Variants in DGCR2 observed in about 807,000 individuals in gnomAD.
DGCR2 encodes the protein integral membrane protein DGCR2/IDD.
DGCR2 carries 24 observed loss-of-function variants against 51.6 expected under a neutral mutation model. The ratio of observed to expected loss-of-function variants is 0.47; its 90% CI spans 0.34 to 0.65. DGCR2 has a LOEUF of 0.65. Ranked by LOEUF, DGCR2 falls within the 30% of genes least tolerant of loss-of-function variation. DGCR2 has a pLI of 0.01. For synonymous variants in DGCR2, 340 were observed against 315.4 expected (o/e 1.08, Z -0.82); for missense variants, 765 against 772.1 (o/e 0.99, Z 0.11).
intron 1 of DGCR2, 93 bp from the exon 2 acceptor site, chr22:19,089,583 T>TG: frequency 7.6e-7 from 1 of 1,312,202 alleles, no homozygotes; most frequent in Non-Finnish European, 9.9e-7. Context: ...CCCATTTGTT[T>TG]GTTTGTTTGT....
rs948003576 is a variant in DGCR2, at chr22:19,041,605, T to C, written c.1159+202A>G. ...CTGACCCTCAGAGGCCTCCGAGTTC[T>C]GCCCACCCTGTGGCTCAATGGGAAT... On this transcript the variant is annotated intron_variant, in intron 8 of 9. Transcript: ENST00000263196. 3.2e-5 allele frequency: 21 copies of C among 655,950 alleles called. No homozygotes were observed. The African/African-American group carries it at 3.6e-4, about 11-fold the overall frequency. The allele number at this position is 655,950 out of a possible 1,614,324, so 40.6% of individuals were successfully genotyped here.
At chr22:19,059,357 C>T (rs1391633595) in intron 5 of DGCR2, among the ~76,000 whole-genome samples, 1 of 152,054 alleles carries the variant, frequency 6.6e-6, no homozygotes, top group Non-Finnish European at 1.5e-5. Flanking sequence ...AGATCCTGGA[C>T]ATATTCCAAA....
chr22:19,038,900 G>C lies in DGCR2; in HGVS notation c.1618C>G (p.Arg540Gly). ...PAAEALPGGG[R>G]HSRSSLNTVV ...GTATTGAGGGAGCTGCGGCTGTGGC[G>C]GCCACCCCCTGGCAGTGCCTCTGCA... The change falls in exon 10 of 10, where the codon CGC (arginine) becomes GGC (glycine). Residue 540 changes from arginine (R) to glycine (G), a missense_variant. Transcript: ENST00000263196. The C allele has an allele frequency of 6.2e-7, 1 of 1,612,836 alleles. No individual in the cohort carries two copies. Among genetic ancestry groups the C allele is most frequent in the Non-Finnish European group, 8.5e-7 (1 of 1,179,898 alleles).
intron 8 of DGCR2, 76 bp from the exon 9 acceptor site, chr22:19,041,370 C>A: frequency 6.9e-7 from 1 of 1,456,224 alleles, no homozygotes; most frequent in Non-Finnish European, 9.5e-7. Context: ...GAGCCCCCCA[C>A]CCCCAGGCTG....
At chr22:19,048,371 G>A in intron 7 of DGCR2, 69 bp downstream of exon 7, 1 of 1,561,704 alleles carries the variant, frequency 6.4e-7, no homozygotes, top group Non-Finnish European at 8.8e-7. Context: ...CACTGAGGAA[G>A]CAAAGGGACG....
At chr22:19,083,711 C>CCCCCTCTCCCTA in intron 2 of DGCR2, among the ~76,000 whole-genome samples, 1 of 130,384 alleles carries the variant, frequency 7.7e-6, no homozygotes, top group Non-Finnish European at 1.6e-5. Context: ...CCCTCCCCCT[C>CCCCCTCTCCCTA]TCCCTCTCCC....
Position 19,057,062 on chromosome 22 carries a change from G to A in DGCR2, c.726C>T (p.Pro242=). Residue 242 remains proline, a synonymous_variant, in exon 6 of 10, where the codon CCC becomes CCT. Transcript: ENST00000263196. This position sits in a 1 kb window ranked among gnomAD's most constrained non-coding sequence, Gnocchi z 5.1. ...TGTGGAGGTCGTGGTGCCGCAGGGTGGGGAAATGGAAGCACTGAAGCTGGG... is the reference window on the plus strand; with the variant it reads ...TGTGGAGGTCGTGGTGCCGCAGGGTAGGGAAATGGAAGCACTGAAGCTGGG... The part of the protein sequence containing the change: ...FCAQLQCFHF[P]TLRHHDLHSW... 1 of 1,601,104 alleles carries A rather than the reference G, an allele frequency of 6.2e-7. No homozygotes were observed. Among genetic ancestry groups the A allele is most frequent in the African/African-American group, 1.3e-5 (1 of 74,894 alleles).
chr22:19,107,340 C>A (rs2083270017), intron 1 of DGCR2, among the ~76,000 whole-genome samples: 1 of 152,200 alleles, frequency 6.6e-6, no homozygotes, highest in Non-Finnish European at 1.5e-5. Flanking sequence ...CACTTTCTCC[C>A]ACAGCCCAAG....
chr22:19,052,414 T>TCACACACACACACACA (rs34670843), intron 6 of DGCR2, among the ~76,000 whole-genome samples: 1 of 148,550 alleles, frequency 6.7e-6, no homozygotes, highest in African/African-American at 2.5e-5. Flanking sequence ...AGACTCTGTC[T>TCACACACACACACACA]CACACACACA....
intron 6 of DGCR2, among the ~76,000 whole-genome samples, chr22:19,054,941 C>T (rs888063821): frequency 1.3e-5 from 2 of 152,064 alleles, no homozygotes; most frequent in Admixed American, 6.6e-5. Flanking sequence ...CATGGTGAAA[C>T]GCCATCTCTA....
At chr22:19,046,823 C>A in intron 7 of DGCR2, 2 of 369,146 alleles carry the variant, frequency 5.4e-6, no homozygotes, top group Non-Finnish European at 1.1e-5. Context: ...CCCTGCTCTG[C>A]TAAGAAGTCC....
chr22:19,112,293 C>T (rs1173216876), intron 1 of DGCR2, among the ~76,000 whole-genome samples: 1 of 143,962 alleles, frequency 6.9e-6, no homozygotes, highest in African/African-American at 2.5e-5. Context: ...AAAAAAAAAA[C>T]CTAGGAAAAT....
chr22:19,081,206 T>C (rs1276030880), intron 2 of DGCR2, among the ~76,000 whole-genome samples: 1 of 152,210 alleles, frequency 6.6e-6, no homozygotes, highest in Non-Finnish European at 1.5e-5. Context: ...CCTAATAATA[T>C]AGTTGTGAGC....
At chr22:19,093,408 G>C (rs1383360474) in intron 1 of DGCR2, among the ~76,000 whole-genome samples, 4 of 147,920 alleles carry the variant, frequency 2.7e-5, no homozygotes, top group Non-Finnish European at 6.0e-5. Context: ...TACAGGTGAA[G>C]CCTAAAACTA....
intron 5 of DGCR2, among the ~76,000 whole-genome samples, chr22:19,058,215 T>C (rs530006404): frequency 6.6e-6 from 1 of 152,184 alleles, no homozygotes; most frequent in Non-Finnish European, 1.5e-5. Context: ...CATGGTGCCC[T>C]GCCATGGGCA....
intron 1 of DGCR2, among the ~76,000 whole-genome samples, chr22:19,119,241 G>A (rs1412676643): frequency 2.0e-5 from 3 of 152,170 alleles, no homozygotes; most frequent in Admixed American, 6.5e-5. Context: ...AGTCACGGGT[G>A]CATGATGGGG....
chr22:19,105,106 G>A (rs113366223), intron 1 of DGCR2, among the ~76,000 whole-genome samples: 5,611 of 152,182 alleles, frequency 0.037, 311 homozygotes, highest in African/African-American at 0.13. Flanking sequence ...GTGGATCACC[G>A]GAGGCCAGGA....
chr22:19,055,333 C>T lies in DGCR2; in HGVS notation c.802+1653G>A, dbSNP rs188642905. Among the ~76,000 whole-genome samples, 772 of 152,196 alleles carry T rather than the reference C, an allele frequency of 5.1e-3. 5 individuals carry two copies. The highest frequency in any genetic ancestry group is 9.0e-3 in the Non-Finnish European group (615 of 68,012). On this transcript the variant is annotated intron_variant, in intron 6 of 9. Coordinates refer to ENST00000263196, the MANE Select transcript of DGCR2 (RefSeq NM_005137.3). Reference sequence around the variant, plus strand: ...AGTACACTTTTGTAACACAAATATTCCCAGCAACCTAGGAATAGGTACTTC... The same window carrying T: ...AGTACACTTTTGTAACACAAATATTTCCAGCAACCTAGGAATAGGTACTTC...
intron 7 of DGCR2, among the ~76,000 whole-genome samples, chr22:19,044,271 G>A (rs560750901): frequency 3.8e-4 from 58 of 152,234 alleles, no homozygotes; most frequent in Non-Finnish European, 6.8e-4. Context: ...CCCTTGATAG[G>A]GCTGATCTCT....
Sources: allele counts gnomAD v4.1 joint callset (sites outside exome capture counted in the v4.1 genomes callset), GRCh38; gene constraint gnomAD v4.1.1; non-coding constraint Gnocchi (gnomAD v3.1); transcripts MANE v1.5; gene names NCBI Gene and HGNC (gene_info 2026-07-23, HGNC 2026-07-21).